The following USP39 variants were observed in gnomAD, a reference collection of about 807,000 sequenced individuals.
USP39 encodes the protein ubiquitin carboxyl-terminal hydrolase 39.
In USP39, 38 loss-of-function variants were observed where a neutral mutation model predicts 66.4. The ratio of observed to expected loss-of-function variants is 0.57; its 90% CI spans 0.44 to 0.75. USP39 has a LOEUF of 0.75. USP39 is among the 30% of genes least tolerant of loss of function. The pLI, the probability that USP39 is intolerant of heterozygous loss-of-function variation, is 0.00. For synonymous variants in USP39, 303 were observed against 274.6 expected, an observed-to-expected ratio of 1.10 and a Z score of -1.02; for missense variants, 608 against 714.4, an observed-to-expected ratio of 0.85 and a Z score of 1.70.
intron 3 of USP39, among the ~76,000 whole-genome samples, chr2:85,622,173 T>G (rs60755293): frequency 0.076 from 11,481 of 150,538 alleles, 1,471 homozygotes; most frequent in African/African-American, 0.27. Flanking sequence ...CAGGCTGCAG[T>G]GCAGTGACGT....
intron 1 of USP39, among the ~76,000 whole-genome samples, chr2:85,604,463 T>C (rs892059301): frequency 1.3e-5 from 2 of 152,078 alleles, no homozygotes; most frequent in Admixed American, 1.3e-4. Context: ...CCGCTCGCCT[T>C]GGCCTCTCAA....
At chr2:85,631,973 C>G (rs1453867665) in intron 6 of USP39, among the ~76,000 whole-genome samples, 3 of 121,848 alleles carry the variant, frequency 2.5e-5, no homozygotes, top group Non-Finnish European at 5.3e-5. Flanking sequence ...AACTCCTGAC[C>G]TCAAGTGATC....
At chr2:85,641,795 T>A (rs1195239297) in intron 10 of USP39, among the ~76,000 whole-genome samples, 1 of 151,332 alleles carries the variant, frequency 6.6e-6, no homozygotes, top group Non-Finnish European at 1.5e-5. Context: ...TCCTAGGTAC[T>A]TGAGGGGCTG....
At chr2:85,639,032 G>A (rs1371418280) in intron 8 of USP39, among the ~76,000 whole-genome samples, 171 bp from the exon 9 acceptor site, 1 of 152,048 alleles carries the variant, frequency 6.6e-6, no homozygotes, top group African/African-American at 2.4e-5. Context: ...GAAACCTGTT[G>A]GTTCTTAAGT....
intron 1 of USP39, among the ~76,000 whole-genome samples, chr2:85,618,130 T>C (rs1674140557): frequency 1.3e-5 from 2 of 151,964 alleles, no homozygotes; most frequent in Non-Finnish European, 2.9e-5. Context: ...AATTTTTGTA[T>C]TTTTTAGTAG....
At chr2:85,638,800 G>C (rs2104332846) in intron 8 of USP39, among the ~76,000 whole-genome samples, 1 of 150,914 alleles carries the variant, frequency 6.6e-6, no homozygotes, top group Non-Finnish European at 1.5e-5. Flanking sequence ...GCCTCCCAAA[G>C]TGCTGGGATT....
chr2:85,623,575 A>C (rs1237386765), intron 3 of USP39, 71 bp from the exon 4 acceptor site: 41 of 1,477,614 alleles, frequency 2.8e-5, no homozygotes, highest in Non-Finnish European at 3.6e-5. Context: ...AAATAATGAA[A>C]GGAAAAGCAA....
At chr2:85,639,160 C>T in intron 8 of USP39, 43 bp from the exon 9 acceptor site, 1 of 1,569,404 alleles carries the variant, frequency 6.4e-7, no homozygotes. Context: ...GTTCCTATAC[C>T]CGTCACACTC....
chr2:85,621,281 T>C (rs1415764973), intron 2 of USP39: 4 of 502,134 alleles, frequency 8.0e-6, no homozygotes, highest in East Asian at 6.3e-5. Flanking sequence ...GTATTATGTG[T>C]CTGGTGGAGA....
intron 6 of USP39, among the ~76,000 whole-genome samples, chr2:85,635,292 GC>G (rs1675673027): frequency 6.6e-6 from 1 of 152,206 alleles, no homozygotes; most frequent in Non-Finnish European, 1.5e-5. Flanking sequence ...GGGCGCAGTG[GC>G]TCATGCCTGT....
intron 5 of USP39, among the ~76,000 whole-genome samples, chr2:85,628,763 ATC>A (rs778568605): frequency 6.6e-6 from 1 of 152,068 alleles, no homozygotes; most frequent in African/African-American, 2.4e-5. Context: ...TTGAGAGTAA[ATC>A]TCTCTTTTTA....
upstream of USP39, among the ~76,000 whole-genome samples, chr2:85,612,514 G>C (rs1369796868): frequency 6.6e-6 from 1 of 152,210 alleles, no homozygotes; most frequent in Non-Finnish European, 1.5e-5. Context: ...CAGGGCAACA[G>C]CGGCGCCCAG....
intron 6 of USP39, among the ~76,000 whole-genome samples, chr2:85,631,773 G>A (rs1368178326): frequency 1.3e-5 from 2 of 150,912 alleles, no homozygotes; most frequent in Non-Finnish European, 3.0e-5. Context: ...TTTTGAGACC[G>A]AGTCTTGCTT....
chr2:85,610,139 C>G (rs991179056), upstream of USP39: 4 of 152,030 alleles, frequency 2.6e-5, no homozygotes, highest in African/African-American at 4.8e-5. Context: ...CTCAGCCTCC[C>G]AAGTAGCTGG....
chr2:85,624,793 G>T (rs1188575108), intron 4 of USP39, among the ~76,000 whole-genome samples: 1 of 151,834 alleles, frequency 6.6e-6, no homozygotes, highest in Non-Finnish European at 1.5e-5. Flanking sequence ...ATGAGACCCC[G>T]TTTCTACTAG....
chr2:85,641,020 T>A lies in USP39; in HGVS notation c.1329T>A (p.Leu443=). ...YKENFLKRFQ[L]TKLPPYLIFC... ...AGAACTTTCTGAAGCGCTTCCAGCT[T>A]ACCAAGTTGCCTCCATATCTAATCT... Residue 443 remains leucine, a synonymous_variant, in exon 10 of 13, where the codon CTT becomes CTA. Transcript: ENST00000323701. 6.2e-7 allele frequency: 1 copy of A among 1,613,856 alleles called. No homozygotes were observed. The highest frequency in any genetic ancestry group is 8.5e-7 in the Non-Finnish European group (1 of 1,179,960).
At position 85,639,262 on chromosome 2, in the gene USP39, G is replaced by A; in HGVS notation, c.1155G>A (p.Glu385=). Residue 385 remains glutamate (E), a synonymous_variant, in exon 9 of 13, where the codon GAG becomes GAA. Transcript: ENST00000323701. ...ACGAGTACCAGGAGACAATGGTGGA[G>A]TCCACTTTTATGTACCTGACGCTGG... is the stretch of plus-strand genomic sequence containing the variant. ...HNDEYQETMV[E]STFMYLTLDL... is the part of the protein sequence containing the mutation. 6.2e-7 allele frequency: 1 copy of A among 1,613,976 alleles called. No individual in the cohort carries two copies. Among genetic ancestry groups the A allele is most frequent in the South Asian group, 1.1e-5 (1 of 91,072 alleles).
chr2:85,611,606 GA>G, upstream of USP39: 2 of 1,556,196 alleles, frequency 1.3e-6, no homozygotes, highest in Non-Finnish European at 1.7e-6. Context: ...TCCCTATAGA[GA>G]AGGGGAGTGC....
upstream of USP39, among the ~76,000 whole-genome samples, chr2:85,612,524 G>T (rs1673631298): frequency 6.6e-6 from 1 of 152,242 alleles, no homozygotes; most frequent in South Asian, 2.1e-4. Flanking sequence ...GCGGCGCCCA[G>T]GCCGCAGGCG....
Sources: gnomAD v4.1 joint callset for allele counts (sites outside exome capture counted in the v4.1 genomes callset) on GRCh38, gnomAD v4.1.1 for gene constraint, MANE v1.5 for transcripts, NCBI Gene and HGNC (gene_info 2026-07-23, HGNC 2026-07-21) for gene names.